Variants in CFAP53 observed in about 807,000 individuals in gnomAD.
CFAP53 encodes cilia and flagella associated protein 53.
In CFAP53, 62 loss-of-function variants were observed where a neutral mutation model predicts 59.7. That is an observed-to-expected ratio of 1.04 (90% CI 0.85 to 1.28). CFAP53 has a LOEUF of 1.28. Among genes scored for constraint, CFAP53 ranks in the 50% most tolerant of loss-of-function variants. The pLI, the probability that CFAP53 is intolerant of heterozygous loss-of-function variation, is 0.00. For synonymous variants in CFAP53, 218 were observed against 205.7 expected (o/e 1.06, Z -0.51); for missense variants, 629 against 615.6 (o/e 1.02, Z -0.23).
At chr18:50,249,550 G>T (rs565246233) in intron 5 of CFAP53, among the ~76,000 whole-genome samples, 28 of 151,652 alleles carry the variant, frequency 1.8e-4, no homozygotes, top group Non-Finnish European at 3.7e-4. Context: ...AAAAGAAAAA[G>T]AAACAACTAT....
chr18:50,241,227 T>C (rs2033687079), intron 6 of CFAP53, among the ~76,000 whole-genome samples: 1 of 152,138 alleles, frequency 6.6e-6, no homozygotes, highest in Admixed American at 6.6e-5. Flanking sequence ...AAGAAATACC[T>C]AGTAACCAAT....
chr18:50,244,277 T>TG (rs1221563912), intron 5 of CFAP53, among the ~76,000 whole-genome samples: 2 of 152,146 alleles, frequency 1.3e-5, no homozygotes, highest in African/African-American at 4.8e-5. Flanking sequence ...GATTGGGTCA[T>TG]GGGGGTAGTT....
In CFAP53 at chr18:50,250,911, C is replaced by T. The variant is rs1403145698; in HGVS notation, c.843G>A (p.Lys281=). The T allele has an allele frequency of 8.7e-6, 14 of 1,614,188 alleles. No individual in the cohort carries two copies. The highest frequency in any genetic ancestry group is 8.3e-5 in the Admixed American group (5 of 60,026). The part of the protein sequence containing the change: ...EQDMLKKQKA[K]QETRTILQKA... ...TTTGCAAAATGGTCCTAGTTTCCTG[C>T]TTTGCCTTCTGTTTCTTTAGCATAT... is the stretch of plus-strand genomic sequence containing the variant. Residue 281 remains lysine, a synonymous_variant, in exon 5 of 8, where the codon AAG becomes AAA. Transcript: ENST00000398545.
In CFAP53 at chr18:50,227,351, C is replaced by T. The variant is rs931012337; in HGVS notation, c.*30G>A. On this transcript the variant is annotated 3_prime_UTR_variant, in exon 8 of 8. Transcript: ENST00000398545. ...TACTGTAGTTAAAAATATTAAAAGA[C>T]CAAGAAAAGATATATTGATGCTCAC... is the stretch of plus-strand genomic sequence containing the variant. The T allele has an allele frequency of 1.9e-6, 3 of 1,559,624 alleles. No homozygotes were observed. The highest frequency in any genetic ancestry group is 2.6e-6 in the Non-Finnish European group (3 of 1,133,068).
Position 50,261,167 on chromosome 18 carries a change from C to A in CFAP53, c.370G>T (p.Glu124Ter). The A allele has an allele frequency of 6.3e-7, 1 of 1,590,866 alleles. No homozygotes were observed. Among genetic ancestry groups the A allele is most frequent in the African/African-American group, 1.4e-5 (1 of 72,700 alleles). The change falls in exon 3 of 8, where the codon GAG becomes TAG. Residue 124 changes from glutamate (E) to a stop codon, truncating the protein, a stop_gained. Coordinates refer to ENST00000398545, the MANE Select transcript of CFAP53 (RefSeq NM_145020.5). LOFTEE classifies it high-confidence loss of function. ...TCTCTCATCCTATCTTTTTTCTCCT[C>A]AATGGTTTCTTTCTTCAATTGCATT... is the stretch of plus-strand genomic sequence containing the variant. ...TEMQLKKETIEEKKDRMREKT... is the reference protein window; with the variant it reads ...TEMQLKKETI
chr18:50,230,481 T>C (rs2033571518), intron 7 of CFAP53, among the ~76,000 whole-genome samples: 1 of 152,210 alleles, frequency 6.6e-6, no homozygotes, highest in Non-Finnish European at 1.5e-5. Flanking sequence ...CCCCTATGCA[T>C]CTCTTCCAGT....
chr18:50,239,774 C>G (rs2033670958), intron 6 of CFAP53, among the ~76,000 whole-genome samples: 1 of 151,970 alleles, frequency 6.6e-6, no homozygotes, highest in African/African-American at 2.4e-5. Flanking sequence ...CTACATGATT[C>G]TAATTTGTGA....
At chr18:50,257,073 T>C (rs2033852776) in intron 3 of CFAP53, among the ~76,000 whole-genome samples, 1 of 151,910 alleles carries the variant, frequency 6.6e-6, no homozygotes, top group Admixed American at 6.6e-5. Flanking sequence ...AGGTAATATT[T>C]TGGACTGTAA....
intron 6 of CFAP53, among the ~76,000 whole-genome samples, chr18:50,239,217 G>A (rs1015607788): frequency 1.2e-4 from 18 of 151,824 alleles, no homozygotes; most frequent in African/African-American, 2.2e-4. Flanking sequence ...GTGAAACCCC[G>A]TCTCTACTAA....
Position 50,243,989 on chromosome 18 carries a change from G to A in CFAP53, c.997-873C>T, listed in dbSNP as rs890264030. Among the ~76,000 whole-genome samples the A allele has an allele frequency of 5.9e-5, 9 of 151,534 alleles. No homozygotes were observed. In the South Asian group the frequency reaches 6.2e-4, roughly 11 times the overall value. On this transcript the variant is annotated intron_variant, in intron 5 of 7. Coordinates refer to ENST00000398545, the MANE Select transcript of CFAP53 (RefSeq NM_145020.5). Reference sequence around the variant, plus strand: ...ACAAAAACAAAAAAAATCAAGGGCCGAGTCCCACCCCCAGAAATTCCTAAT... The same window carrying A: ...ACAAAAACAAAAAAAATCAAGGGCCAAGTCCCACCCCCAGAAATTCCTAAT...
At chr18:50,242,802 G>T in intron 6 of CFAP53, 98 bp downstream of exon 6, 1 of 973,548 alleles carries the variant, frequency 1.0e-6, no homozygotes, top group Non-Finnish European at 1.6e-6. Flanking sequence ...ATCCCTCATG[G>T]TGTTTTACAT....
chr18:50,243,286 G>A (rs575506450), intron 5 of CFAP53, among the ~76,000 whole-genome samples, 170 bp from the exon 6 acceptor site: 2 of 152,276 alleles, frequency 1.3e-5, no homozygotes, highest in South Asian at 4.1e-4. Context: ...AGAGTAGCGG[G>A]GGAAATGGGT....
At chr18:50,259,719 C>T (rs2033874546) in intron 3 of CFAP53, among the ~76,000 whole-genome samples, 1 of 152,054 alleles carries the variant, frequency 6.6e-6, no homozygotes, top group Admixed American at 6.5e-5. Flanking sequence ...AGACATGAGC[C>T]ACTGCGCCCG....
chr18:50,262,251 A>T, intron 1 of CFAP53, 32 bp from the exon 2 acceptor site: 1 of 1,549,464 alleles, frequency 6.5e-7, no homozygotes, highest in South Asian at 1.1e-5. Flanking sequence ...CACTTATAAT[A>T]AGCCAAAGAA....
intron 5 of CFAP53, among the ~76,000 whole-genome samples, chr18:50,244,441 T>G (rs1038787945): frequency 6.6e-6 from 1 of 152,206 alleles, no homozygotes; most frequent in South Asian, 2.1e-4. Flanking sequence ...CCCAGCCATG[T>G]GAAACTGTGA....
At chr18:50,245,625 A>G (rs2033736980) in intron 5 of CFAP53, among the ~76,000 whole-genome samples, 1 of 152,188 alleles carries the variant, frequency 6.6e-6, no homozygotes, top group African/African-American at 2.4e-5. Context: ...ACCTAAATAA[A>G]TGGAAAGACA....
At chr18:50,228,087 C>A (rs187769459) in intron 7 of CFAP53, among the ~76,000 whole-genome samples, 19 of 151,748 alleles carry the variant, frequency 1.3e-4, no homozygotes, top group Admixed American at 1.2e-3. Flanking sequence ...GCCACCCAAG[C>A]AGCTGGGATT....
chr18:50,251,814 C>T, intron 3 of CFAP53, 30 bp from the exon 4 acceptor site: 1 of 1,595,718 alleles, frequency 6.3e-7, no homozygotes, highest in Non-Finnish European at 8.6e-7. Context: ...AAGACAAAAC[C>T]CAGCCTTTCG....
chr18:50,254,705 A>G (rs537393276), intron 3 of CFAP53, among the ~76,000 whole-genome samples: 2 of 152,288 alleles, frequency 1.3e-5, no homozygotes, highest in African/African-American at 4.8e-5. Flanking sequence ...CCTGACCAAC[A>G]TGGAGAAACT....
Sources: allele counts gnomAD v4.1 joint callset (sites outside exome capture counted in the v4.1 genomes callset), GRCh38; gene constraint gnomAD v4.1.1; transcripts MANE v1.5; gene names NCBI Gene and HGNC (gene_info 2026-07-23, HGNC 2026-07-21).